Variants in MYOM1 observed in about 807,000 individuals in gnomAD.
The protein encoded by MYOM1 is myomesin-1.
In MYOM1, 164 loss-of-function variants were observed where a neutral mutation model predicts 205.3. The observed-to-expected ratio is 0.80, with a 90% CI of 0.70 to 0.91. The LOEUF is 0.91. MYOM1 is among the 40% of genes least tolerant of loss of function. The pLI, the probability that MYOM1 is intolerant of heterozygous loss-of-function variation, is 0.00. For missense variants in MYOM1, 2,011 were observed against 2,127.3 expected (o/e 0.95, Z 1.08); for synonymous variants, 772 against 789.4 (o/e 0.98, Z 0.37).
At chr18:3,187,365 A>G in intron 5 of MYOM1, 115 bp downstream of exon 5, 1 of 1,182,406 alleles carries the variant, frequency 8.5e-7, no homozygotes, top group Middle Eastern at 2.0e-4. Flanking sequence ...AAAAACCTAT[A>G]CAATCTTGTA....
chr18:3,090,889 AC>A, intron 26 of MYOM1, 87 bp from the exon 27 acceptor site: 1 of 1,532,648 alleles, frequency 6.5e-7, no homozygotes, highest in Admixed American at 1.8e-5. Context: ...ATAAAAATAA[AC>A]CCCAAAGGCT....
chr18:3,218,035 G>A (rs1036585672), intron 1 of MYOM1, among the ~76,000 whole-genome samples: 1 of 152,170 alleles, frequency 6.6e-6, no homozygotes. Context: ...AGAGGTAAGA[G>A]AGTCGATTCC....
At chr18:3,239,729 C>A in the MYOM1 span, among the ~76,000 whole-genome samples, 1 of 135,644 alleles carries the variant, frequency 7.4e-6, no homozygotes, top group Non-Finnish European at 1.5e-5. Flanking sequence ...TGCAGTCTGG[C>A]CTGGGTGACA....
chr18:3,212,633 T>C (rs1389920447), intron 2 of MYOM1, among the ~76,000 whole-genome samples: 2 of 152,186 alleles, frequency 1.3e-5, no homozygotes, highest in East Asian at 1.9e-4. Flanking sequence ...GGAGTTACAT[T>C]GACAACTGCC....
At chr18:3,182,846 T>G (rs907091008) in intron 5 of MYOM1, among the ~76,000 whole-genome samples, 1 of 150,034 alleles carries the variant, frequency 6.7e-6, no homozygotes, top group African/African-American at 2.4e-5. Flanking sequence ...GACAGAGTCC[T>G]CCTGCAGGAT....
At chr18:3,079,403 T>C in intron 33 of MYOM1, 61 bp from the exon 34 acceptor site, 1 of 1,497,560 alleles carries the variant, frequency 6.7e-7, no homozygotes, top group South Asian at 1.4e-5. Context: ...ATCTTTACTT[T>C]GTCTCTCATT....
At chr18:3,078,544 C>A (rs750971474) in intron 34 of MYOM1, among the ~76,000 whole-genome samples, 4 of 152,114 alleles carry the variant, frequency 2.6e-5, no homozygotes, top group African/African-American at 9.7e-5. Flanking sequence ...ATCATCCTAG[C>A]TCAGCCTCCT....
At chr18:3,151,602 G>A in intron 12 of MYOM1, 92 bp downstream of exon 12, 1 of 1,141,564 alleles carries the variant, frequency 8.8e-7, no homozygotes, top group Non-Finnish European at 1.2e-6. Flanking sequence ...TCCCTCTAGT[G>A]GAAGGGAGAG....
chr18:3,159,790 T>C (rs1401451883), intron 10 of MYOM1, among the ~76,000 whole-genome samples: 2 of 152,056 alleles, frequency 1.3e-5, no homozygotes, highest in Non-Finnish European at 2.9e-5. Flanking sequence ...GAAAGTGAAT[T>C]AGTAGTTGCG....
At chr18:3,226,426 G>A in the MYOM1 span, among the ~76,000 whole-genome samples, 2 of 152,062 alleles carry the variant, frequency 1.3e-5, no homozygotes, top group African/African-American at 4.8e-5. The surrounding 1 kb of genome is among the most constrained non-coding windows in gnomAD (Gnocchi z 4.6). Flanking sequence ...TAATTCTCCA[G>A]CTCCGCCCCT....
chr18:3,078,973 C>CTTTTT (rs11408756), intron 34 of MYOM1, among the ~76,000 whole-genome samples: 12 of 105,882 alleles, frequency 1.1e-4, no homozygotes, highest in South Asian at 3.3e-4. Flanking sequence ...TACCCAGCTA[C>CTTTTT]TTTTTTTTTT....
intron 25 of MYOM1, among the ~76,000 whole-genome samples, chr18:3,099,844 T>C (rs887783490): frequency 6.6e-6 from 1 of 152,224 alleles, no homozygotes; most frequent in African/African-American, 2.4e-5. Context: ...AAAATATATA[T>C]GTGATTCCAA....
At chr18:3,136,503 G>A (rs2079967291) in intron 14 of MYOM1, among the ~76,000 whole-genome samples, 1 of 152,040 alleles carries the variant, frequency 6.6e-6, no homozygotes, top group Non-Finnish European at 1.5e-5. Context: ...ACGGCTCACT[G>A]CAGCCTTGAC....
chr18:3,193,455 A>G (rs6506081), intron 3 of MYOM1, among the ~76,000 whole-genome samples: 82,042 of 151,184 alleles, frequency 0.54, 23,500 homozygotes, highest in African/African-American at 0.74. Flanking sequence ...GTCCAATCAC[A>G]AGCATCCCAG....
intron 22 of MYOM1, among the ~76,000 whole-genome samples, chr18:3,109,938 T>C (rs2079502012): frequency 6.6e-6 from 1 of 152,176 alleles, no homozygotes; most frequent in East Asian, 1.9e-4. Flanking sequence ...CTCCAAGGCT[T>C]GCCCAGAACT....
chr18:3,206,408 GGCTGTCTTT>G (rs1479812409), intron 2 of MYOM1, among the ~76,000 whole-genome samples: 2 of 152,074 alleles, frequency 1.3e-5, no homozygotes, highest in African/African-American at 4.8e-5. Flanking sequence ...GCCTCTTCTG[GGCTGTCTTT>G]GCTCCAGTTA....
chr18:3,120,959 G>A (rs1355577829), intron 19 of MYOM1, among the ~76,000 whole-genome samples: 2 of 152,054 alleles, frequency 1.3e-5, no homozygotes, highest in Non-Finnish European at 2.9e-5. Context: ...AAATGTGACC[G>A]ACAAGAGATG....
At chr18:3,173,573 CGTGTGTGTGTGTGTGTGTGT>C (rs71159051) in intron 8 of MYOM1, among the ~76,000 whole-genome samples, 10 of 136,914 alleles carry the variant, frequency 7.3e-5, no homozygotes, top group African/African-American at 1.3e-4. Context: ...AGTCCAGACT[CGTGTGTGTGTGTGTGTGTGT>C]GTGTGTGTGT....
At chr18:3,239,877 C>A in the MYOM1 span, among the ~76,000 whole-genome samples, 1 of 151,784 alleles carries the variant, frequency 6.6e-6, no homozygotes, top group Admixed American at 6.6e-5. Flanking sequence ...AAAGTGCAAC[C>A]ACTTAGCTTG....
Sources: gnomAD v4.1 joint callset for allele counts (sites outside exome capture counted in the v4.1 genomes callset) on GRCh38, gnomAD v4.1.1 for gene constraint, Gnocchi (gnomAD v3.1) non-coding constraint, MANE v1.5 for transcripts, NCBI Gene and HGNC (gene_info 2026-07-23, HGNC 2026-07-21) for gene names.